The following FSTL5 variants were observed in gnomAD, a reference collection of about 807,000 sequenced individuals.
FSTL5 encodes follistatin-related protein 5.
FSTL5 carries 62 observed loss-of-function variants against 89.1 expected under a neutral mutation model. The ratio of observed to expected loss-of-function variants is 0.70; its 90% CI spans 0.57 to 0.86. FSTL5 has a LOEUF of 0.86. FSTL5 is among the 40% of genes least tolerant of loss of function. The pLI is 0.00. For synonymous variants in FSTL5, 383 were observed against 346.2 expected (o/e 1.11, Z -1.18); for missense variants, 1,057 against 1,001.6 (o/e 1.06, Z -0.75).
At chr4:161,978,503 T>C (rs2111039731) in intron 3 of FSTL5, among the ~76,000 whole-genome samples, 1 of 152,246 alleles carries the variant, frequency 6.6e-6, no homozygotes, top group African/African-American at 2.4e-5. Flanking sequence ...GTAAGAATAG[T>C]TTTAAATTTA....
chr4:161,481,004 TAGTA>T lies in FSTL5; in HGVS notation c.1608+12_1608+15del, dbSNP rs1489695363. Reference sequence around the variant, plus strand: ...TTTTAAAGATTTACTTTTTAAAAAGTAGTAATTATTCATACCTGAACAACTTTTT... The same window carrying T: ...TTTTAAAGATTTACTTTTTAAAAAGTATTATTCATACCTGAACAACTTTTT... On this transcript the variant is annotated intron_variant, in intron 13 of 15. Coordinates refer to ENST00000306100, the MANE Select transcript of FSTL5 (RefSeq NM_020116.5). The T allele has an allele frequency of 3.2e-6, 5 of 1,561,308 alleles. No homozygotes were observed. Among genetic ancestry groups the T allele is most frequent in the Non-Finnish European group, 4.4e-6 (5 of 1,143,766 alleles).
chr4:161,902,114 C>T (rs1411085531), intron 4 of FSTL5, among the ~76,000 whole-genome samples: 1 of 152,124 alleles, frequency 6.6e-6, no homozygotes, highest in African/African-American at 2.4e-5. Flanking sequence ...TACTTACCAA[C>T]TTTATATTAT....
Position 161,924,019 on chromosome 4 carries a change from T to C in FSTL5, c.161-3367A>G, listed in dbSNP as rs80355669. On this transcript the variant is annotated intron_variant, in intron 3 of 15. Transcript: ENST00000306100. ...ATCCATGACTAATGCCGAACTTAAG[T>C]TTCAGCTGAGATTAAATCAATTTAA... Among the ~76,000 whole-genome samples the C allele has an allele frequency of 6.2e-4, 94 of 151,852 alleles. No individual in the cohort carries two copies. In the East Asian group the frequency reaches 0.016, roughly 26 times the overall value.
intron 11 of FSTL5, among the ~76,000 whole-genome samples, chr4:161,502,291 T>C (rs1157135072): frequency 6.6e-6 from 1 of 151,914 alleles, no homozygotes; most frequent in Non-Finnish European, 1.5e-5. Context: ...AGCTATATTT[T>C]CCACTAAATA....
intron 6 of FSTL5, among the ~76,000 whole-genome samples, chr4:161,668,412 G>C (rs1257590294): frequency 6.6e-6 from 1 of 152,166 alleles, no homozygotes; most frequent in Non-Finnish European, 1.5e-5. Flanking sequence ...GGCCCAGATG[G>C]ATTCACTGAT....
chr4:161,778,908 T>C (rs1741519311), intron 4 of FSTL5, among the ~76,000 whole-genome samples: 2 of 152,214 alleles, frequency 1.3e-5, no homozygotes, highest in South Asian at 4.1e-4. Flanking sequence ...AAAAGGATTA[T>C]ACACCATTCC....
chr4:161,473,021 C>T (rs566215253), intron 13 of FSTL5, among the ~76,000 whole-genome samples: 2 of 152,296 alleles, frequency 1.3e-5, no homozygotes, highest in African/African-American at 4.8e-5. Context: ...CCGTGCCTGG[C>T]TGTGTCTAAC....
intron 3 of FSTL5, among the ~76,000 whole-genome samples, chr4:161,979,521 CCTTT>C (rs1456069928): frequency 1.3e-5 from 2 of 151,916 alleles, no homozygotes; most frequent in Non-Finnish European, 2.9e-5. Flanking sequence ...CTCCCCCTTT[CCTTT>C]CTGTCTCTCT....
intron 4 of FSTL5, among the ~76,000 whole-genome samples, chr4:161,856,662 G>GTGTATATA (rs1553971994): frequency 2.2e-4 from 33 of 147,866 alleles, no homozygotes; most frequent in East Asian, 1.2e-3. Context: ...GTGTGTGTGT[G>GTGTATATA]TATATATATA....
At chr4:161,512,526 A>C (rs1158168392) in intron 10 of FSTL5, among the ~76,000 whole-genome samples, 5 of 152,134 alleles carry the variant, frequency 3.3e-5, no homozygotes, top group Non-Finnish European at 7.4e-5. Context: ...GAAATGAGTA[A>C]GAATAAATGA....
chr4:161,987,900 T>G (rs1026033827), intron 3 of FSTL5, among the ~76,000 whole-genome samples: 1 of 151,802 alleles, frequency 6.6e-6, no homozygotes, highest in African/African-American at 2.4e-5. Context: ...TAAAAAAAAC[T>G]TAGGTTTTAT....
At chr4:161,882,282 G>C (rs1311569393) in intron 4 of FSTL5, among the ~76,000 whole-genome samples, 1 of 151,814 alleles carries the variant, frequency 6.6e-6, no homozygotes, top group Non-Finnish European at 1.5e-5. Context: ...CTGATCACCC[G>C]TCTAACCTTA....
intron 7 of FSTL5, among the ~76,000 whole-genome samples, chr4:161,607,750 C>T (rs553315723): frequency 6.7e-4 from 102 of 152,288 alleles, no homozygotes; most frequent in African/African-American, 2.3e-3. Flanking sequence ...GTCAACTCAC[C>T]AGTTCAATGT....
intron 6 of FSTL5, among the ~76,000 whole-genome samples, chr4:161,732,351 C>T (rs1739640212): frequency 6.6e-6 from 1 of 151,594 alleles, no homozygotes; most frequent in Non-Finnish European, 1.5e-5. Context: ...TGTTTTTGTT[C>T]CCCTGTTATT....
chr4:161,970,620 G>T (rs1735456796), intron 3 of FSTL5, among the ~76,000 whole-genome samples: 1 of 152,056 alleles, frequency 6.6e-6, no homozygotes, highest in Non-Finnish European at 1.5e-5. Flanking sequence ...GAAGGCATCT[G>T]TGCAGTGGAA....
chr4:161,544,129 A>G (rs537511006), intron 8 of FSTL5, among the ~76,000 whole-genome samples: 1 of 152,138 alleles, frequency 6.6e-6, no homozygotes, highest in South Asian at 2.1e-4. Flanking sequence ...ATATGAAAAG[A>G]TTAAAAAATT....
rs532172925 is a variant in FSTL5 at position 161,954,725 on chromosome 4, C to T, written c.161-34073G>A. On this transcript the variant is annotated intron_variant, in intron 3 of 15. Coordinates refer to ENST00000306100, the MANE Select transcript of FSTL5 (RefSeq NM_020116.5). The stretch of plus-strand genomic sequence containing the variant: ...TTTATCACATTTTTATTCACCTATA[C>T]CAAACACATTGCATGCATCTGTCAG... Among the ~76,000 whole-genome samples, 7 of 151,676 alleles carry T rather than the reference C, an allele frequency of 4.6e-5. No homozygotes were observed. In the South Asian group the frequency reaches 1.4e-3, roughly 31 times the overall value.
chr4:162,074,325 T>C (rs956345642), intron 2 of FSTL5, among the ~76,000 whole-genome samples: 2 of 151,780 alleles, frequency 1.3e-5, no homozygotes, highest in Non-Finnish European at 2.9e-5. Context: ...TTCTTAGTAA[T>C]GTTTGCCAGG....
At chr4:161,821,110 T>C (rs1350429411) in intron 4 of FSTL5, among the ~76,000 whole-genome samples, 1 of 152,166 alleles carries the variant, frequency 6.6e-6, no homozygotes, top group African/African-American at 2.4e-5. Context: ...CAATCATGGC[T>C]CATTACAGCC....
Sources: gnomAD v4.1 joint callset for allele counts (sites outside exome capture counted in the v4.1 genomes callset) on GRCh38, gnomAD v4.1.1 for gene constraint, MANE v1.5 for transcripts, NCBI Gene and HGNC (gene_info 2026-07-23, HGNC 2026-07-21) for gene names.